The following ATM variants were observed in gnomAD, a reference collection of about 807,000 sequenced individuals.
ATM encodes the protein serine-protein kinase ATM.
ATM carries 308 observed loss-of-function variants against 387.0 expected under a neutral mutation model. That is an observed-to-expected ratio of 0.80 (90% confidence interval 0.73 to 0.87). ATM has a LOEUF of 0.87. Ranked by LOEUF, ATM falls within the 40% of genes least tolerant of loss-of-function variation. ATM has a pLI of 0.00. For synonymous variants in ATM, 1,156 were observed against 1,187.3 expected (o/e 0.97, Z 0.54); for missense variants, 3,312 against 3,560.9 (o/e 0.93, Z 1.78).
Position 108,330,198 on chromosome 11 carries a change from A to G in ATM, c.7308-16A>G. ...GTTCATGGCTTTTGTGTTTTACCTT[A>G]ATTATTCTATGCAAGATACACAGTA... On this transcript the variant is annotated splice_polypyrimidine_tract_variant and intron_variant, in intron 49 of 62. Coordinates refer to ENST00000675843, the MANE Select transcript of ATM (RefSeq NM_000051.4). 1.2e-6 allele frequency: 2 copies of G among 1,609,774 alleles called. No homozygotes were observed. Among genetic ancestry groups the G allele is most frequent in the Non-Finnish European group, 1.7e-6 (2 of 1,176,504 alleles).
intron 6 of ATM, 128 bp downstream of exon 6, chr11:108,244,246 G>A (rs2079719433): frequency 1.8e-6 from 2 of 1,119,572 alleles, no homozygotes; most frequent in Non-Finnish European, 2.6e-6. Flanking sequence ...CAGAACTAGT[G>A]GATTCCTAAA....
intron 40 of ATM, among the ~76,000 whole-genome samples, chr11:108,313,476 G>GCTAA (rs1210892638): frequency 6.6e-6 from 1 of 152,036 alleles, no homozygotes; most frequent in Non-Finnish European, 1.5e-5. Flanking sequence ...ACTTCATGTT[G>GCTAA]CTAAGTCTGG....
intron 59 of ATM, among the ~76,000 whole-genome samples, 165 bp from the exon 60 acceptor site, chr11:108,353,601 A>G (rs1301586572): frequency 1.3e-5 from 2 of 152,238 alleles, no homozygotes; most frequent in African/African-American, 4.8e-5. Context: ...AGACAGTGAC[A>G]AAGATGAGGA....
At position 108,292,676 on chromosome 11, in the gene ATM, A is replaced by C. The variant is rs1064793476; in HGVS notation, c.4494A>C (p.Leu1498Phe). ...GCTTCTCCCTTTGTTGTGACTTATT[A>C]AGTCAGGTTTGCCAGACAGCCGTGA... ...LRSFSLCCDLLSQVCQTAVTY... is the reference protein window; with the variant it reads ...LRSFSLCCDLFSQVCQTAVTY... Residue 1498 changes from leucine to phenylalanine, a missense_variant, in exon 30 of 63, where the codon TTA becomes TTC. Physicochemically the swap from Leu to Phe is conservative, Grantham distance 22. Coordinates refer to ENST00000675843, the MANE Select transcript of ATM (RefSeq NM_000051.4). 7 of 1,613,864 alleles carry C rather than the reference A, an allele frequency of 4.3e-6. No homozygotes were observed. Among genetic ancestry groups the C allele is most frequent in the Non-Finnish European group, 5.9e-6 (7 of 1,179,954 alleles).
At chr11:108,342,739 G>A (rs1224146915) in intron 56 of ATM, among the ~76,000 whole-genome samples, 2 of 152,076 alleles carry the variant, frequency 1.3e-5, no homozygotes, top group Non-Finnish European at 1.5e-5. Flanking sequence ...ATATTTAGGA[G>A]TACATTTTCT....
intron 61 of ATM, among the ~76,000 whole-genome samples, chr11:108,361,444 C>G (rs1452696338): frequency 1.4e-4 from 21 of 151,950 alleles, no homozygotes; most frequent in Non-Finnish European, 2.9e-5. Flanking sequence ...TTGGAAAAAA[C>G]TACTTTAAAG....
At chr11:108,274,895 A>C (rs2081851626) in intron 22 of ATM, among the ~76,000 whole-genome samples, 1 of 152,198 alleles carries the variant, frequency 6.6e-6, no homozygotes, top group Admixed American at 6.5e-5. Flanking sequence ...TGCTTGGTCC[A>C]GAGTTCGGTT....
At position 108,282,664 on chromosome 11, in the gene ATM, T is replaced by C. The variant is rs765929557; in HGVS notation, c.3577-46T>C. On this transcript the variant is annotated intron_variant, in intron 24 of 62. Coordinates refer to ENST00000675843, the MANE Select transcript of ATM (RefSeq NM_000051.4). ...AATATTAACAAGCATTTAAATGATT[T>C]ATTTTTTTCATTTTTCTTAACACAT... 10 of 1,557,356 alleles carry C rather than the reference T, an allele frequency of 6.4e-6. No individual in the cohort carries two copies. The East Asian group carries it at 2.0e-4, about 32-fold the overall frequency.
At chr11:108,268,732 G>T (rs992598321) in intron 18 of ATM, 123 bp downstream of exon 18, 1 of 1,082,476 alleles carries the variant, frequency 9.2e-7, no homozygotes, top group African/African-American at 1.6e-5. Context: ...CTTGAGAAAT[G>T]AACCTGAGAC....
chr11:108,335,565 CA>C (rs1363777420), intron 55 of ATM, among the ~76,000 whole-genome samples: 1 of 152,130 alleles, frequency 6.6e-6, no homozygotes, highest in East Asian at 1.9e-4. Flanking sequence ...TGGAAAGACA[CA>C]GTGCTGTTTT....
chr11:108,357,041 A>C (rs1052125546), intron 61 of ATM, among the ~76,000 whole-genome samples: 1 of 152,242 alleles, frequency 6.6e-6, no homozygotes, highest in Non-Finnish European at 1.5e-5. Flanking sequence ...TACCAGGTTC[A>C]TCTCACTAGG....
In ATM at chr11:108,334,006, A is replaced by T. The variant is rs1001002327; in HGVS notation, c.8010+38A>T. The T allele has an allele frequency of 7.2e-5, 107 of 1,487,480 alleles. No homozygotes were observed. The Admixed American group carries it at 1.5e-3, about 21-fold the overall frequency. The allele number at this position is 1,487,480 out of a possible 1,614,324, so 92.1% of individuals were successfully genotyped here. On this transcript the variant is annotated intron_variant, in intron 54 of 62. Transcript: ENST00000675843. ...TAACTCTTGATTTTTTTTAAACTAA[A>T]TTTTTTTTATTAGATTGAACCATTT...
At chr11:108,253,786 A>G (rs2080288624) in intron 12 of ATM, 28 bp from the exon 13 acceptor site, 1 of 1,565,020 alleles carries the variant, frequency 6.4e-7, no homozygotes, top group African/African-American at 1.4e-5. Context: ...TACTTGGTTT[A>G]TATATTAAAG....
chr11:108,355,300 G>T, intron 61 of ATM: 1 of 217,942 alleles, frequency 4.6e-6, no homozygotes, highest in Non-Finnish European at 9.3e-6. Context: ...AGAGGAACAT[G>T]GCTTAGGAAT....
At chr11:108,264,431 A>T (rs2081094023) in intron 16 of ATM, among the ~76,000 whole-genome samples, 1 of 152,122 alleles carries the variant, frequency 6.6e-6, no homozygotes, top group Non-Finnish European at 1.5e-5. Flanking sequence ...AAATTCAACA[A>T]CCCTTCATGC....
At chr11:108,271,660 T>C (rs999623381) in intron 20 of ATM, among the ~76,000 whole-genome samples, 1 of 152,258 alleles carries the variant, frequency 6.6e-6, no homozygotes, top group Admixed American at 6.5e-5. Context: ...TTGACATGTA[T>C]AGTGAATAAA....
chr11:108,302,047 C>A (rs1473855947), intron 35 of ATM, among the ~76,000 whole-genome samples: 2 of 151,976 alleles, frequency 1.3e-5, no homozygotes, highest in East Asian at 1.9e-4. Flanking sequence ...TAAAGACAGA[C>A]CTTGTTTTTT....
At position 108,261,218 on chromosome 11, in the gene ATM, A is replaced by T. The variant is rs2135442982; in HGVS notation, c.2466+2143A>T. 2.0e-5 allele frequency among the ~76,000 whole-genome samples: 3 copies of T among 152,376 alleles called. 1 individual carries two copies. The highest frequency in any genetic ancestry group is 2.0e-4 in the Admixed American group (3 of 15,308). ...ACAAAAAGACAGCAGTAACCTCTGC[A>T]GACTTAGATGTCCCTGTCTGACAGC... On this transcript the variant is annotated intron_variant, in intron 16 of 62. Coordinates refer to ENST00000675843, the MANE Select transcript of ATM (RefSeq NM_000051.4).
Position 108,254,052 on chromosome 11 carries a change from A to T in ATM, c.2124+13A>T, listed in dbSNP as rs199648955. On this transcript the variant is annotated intron_variant, in intron 13 of 62. Transcript: ENST00000675843. Reference sequence around the variant, plus strand: ...TTACTCATCTGAGGTGAGATTTTTTAAAAAAAGAACTAAGCTTATATATGA... The same window carrying T: ...TTACTCATCTGAGGTGAGATTTTTTTAAAAAAGAACTAAGCTTATATATGA... 1.2e-5 allele frequency: 20 copies of T among 1,609,686 alleles called. No homozygotes were observed. The East Asian group carries it at 1.3e-4, about 11-fold the overall frequency.
Sources: allele counts gnomAD v4.1 joint callset (sites outside exome capture counted in the v4.1 genomes callset), GRCh38; gene constraint gnomAD v4.1.1; transcripts MANE v1.5; gene names NCBI Gene and HGNC (gene_info 2026-07-23, HGNC 2026-07-21).